Variants in LRRC4C observed in about 807,000 individuals in gnomAD.
LRRC4C encodes leucine-rich repeat-containing protein 4C.
In LRRC4C, 5 loss-of-function variants were observed where a neutral mutation model predicts 33.6. The observed-to-expected ratio is 0.15, with a 90% CI of 0.08 to 0.31. The LOEUF (loss-of-function observed/expected upper bound fraction) is 0.31, where lower values mean the gene tolerates loss of function less well. Among genes scored for constraint, LRRC4C ranks in the 10% least tolerant of loss-of-function variants. LRRC4C has a pLI of 1.00. For missense variants in LRRC4C, 560 were observed against 796.7 expected (o/e 0.70, Z 3.58); for synonymous variants, 329 against 302.0 (o/e 1.09, Z -0.93).
chr11:41,277,554 T>C (rs1591135439), intron 1 of LRRC4C, among the ~76,000 whole-genome samples: 1 of 152,170 alleles, frequency 6.6e-6, no homozygotes, highest in Non-Finnish European at 1.5e-5. Context: ...TGCTTTGCTT[T>C]GATGTACTTA....
At chr11:40,630,344 C>CTTCTTCTTCTTCTTCTTT (rs1426808167) in intron 3 of LRRC4C, among the ~76,000 whole-genome samples, 2 of 36,268 alleles carry the variant, frequency 5.5e-5, no homozygotes, top group Admixed American at 6.1e-4. Context: ...TCTTCTTCTT[C>CTTCTTCTTCTTCTTCTTT]TTCTTCTTCT....
chr11:40,697,791 C>T (rs910565346), intron 2 of LRRC4C, among the ~76,000 whole-genome samples: 15 of 151,980 alleles, frequency 9.9e-5, no homozygotes, highest in South Asian at 2.1e-4. Context: ...AAAAATTGGC[C>T]GGGTGCCATG....
Position 40,244,619 on chromosome 11 carries a change from C to T in LRRC4C, c.-175-3021G>A, listed in dbSNP as rs548799948. On this transcript the variant is annotated intron_variant, in intron 4 of 6. Transcript: ENST00000528697. ...ATCCACACTTCCTTATGTCCCTTTA[C>T]GTGGTAGGGTAATTGCTGTGGTTCT... is the stretch of plus-strand genomic sequence containing the variant. Among the ~76,000 whole-genome samples the T allele has an allele frequency of 3.9e-5, 6 of 152,240 alleles. No individual in the cohort carries two copies. The East Asian group carries it at 5.8e-4, about 15-fold the overall frequency.
intron 3 of LRRC4C, among the ~76,000 whole-genome samples, chr11:40,457,284 T>TA (rs1335803653): frequency 6.6e-6 from 1 of 151,976 alleles, no homozygotes; most frequent in Non-Finnish European, 1.5e-5. Flanking sequence ...AAGAAGAAAG[T>TA]ATACCCATCA....
chr11:40,796,905 C>T (rs1461106225), intron 2 of LRRC4C, among the ~76,000 whole-genome samples: 1 of 152,030 alleles, frequency 6.6e-6, no homozygotes, highest in Non-Finnish European at 1.5e-5. Context: ...CCTCGGCCTC[C>T]CCAAGTGCTG....
intron 1 of LRRC4C, among the ~76,000 whole-genome samples, chr11:41,103,363 TC>T (rs1423749930): frequency 4.0e-5 from 6 of 151,890 alleles, no homozygotes; most frequent in Non-Finnish European, 1.5e-5. Context: ...AATTAGCATT[TC>T]CCCTCAATCA....
intron 1 of LRRC4C, among the ~76,000 whole-genome samples, chr11:41,238,687 C>G (rs948084507): frequency 3.9e-5 from 6 of 152,166 alleles, no homozygotes; most frequent in African/African-American, 1.4e-4. Flanking sequence ...TGTCATGACA[C>G]AAAGCCTCAG....
At chr11:40,920,065 G>A (rs1386811122) in intron 2 of LRRC4C, among the ~76,000 whole-genome samples, 1 of 152,098 alleles carries the variant, frequency 6.6e-6, no homozygotes, top group Non-Finnish European at 1.5e-5. Context: ...AACTCATGAT[G>A]CAATGCCATT....
chr11:40,132,236 A>T (rs1856692706), intron 6 of LRRC4C, among the ~76,000 whole-genome samples: 1 of 152,190 alleles, frequency 6.6e-6, no homozygotes, highest in Non-Finnish European at 1.5e-5. Flanking sequence ...GTACATTTAC[A>T]ACCTTCTCAT....
At chr11:40,123,596 A>G (rs76581419) in intron 6 of LRRC4C, among the ~76,000 whole-genome samples, 9,500 of 152,224 alleles carry the variant, frequency 0.062, 417 homozygotes, top group Non-Finnish European at 0.088. Context: ...TCAGACACGC[A>G]AAAAATGGAA....
At chr11:41,061,778 G>A (rs1937785221) in intron 1 of LRRC4C, among the ~76,000 whole-genome samples, 1 of 151,892 alleles carries the variant, frequency 6.6e-6, no homozygotes. Flanking sequence ...TTGTCCATTT[G>A]GATGCTTCCT....
intron 2 of LRRC4C, among the ~76,000 whole-genome samples, chr11:40,654,513 T>G (rs1300540213): frequency 6.6e-6 from 1 of 152,184 alleles, no homozygotes; most frequent in Non-Finnish European, 1.5e-5. Context: ...GCCCCTTTGT[T>G]TTGGCCAATT....
At chr11:41,372,616 G>A (rs919842152) in intron 1 of LRRC4C, among the ~76,000 whole-genome samples, 1 of 152,034 alleles carries the variant, frequency 6.6e-6, no homozygotes, top group Non-Finnish European at 1.5e-5. Context: ...TGAAGTTGGA[G>A]ACACAGATAC....
intron 2 of LRRC4C, among the ~76,000 whole-genome samples, chr11:40,690,032 G>T (rs1004082203): frequency 6.6e-6 from 1 of 152,072 alleles, no homozygotes; most frequent in Non-Finnish European, 1.5e-5. Context: ...TTTGAAGGAC[G>T]AGAGGGCACT....
chr11:41,120,910 TC>T (rs1456621550), intron 1 of LRRC4C, among the ~76,000 whole-genome samples: 1 of 152,140 alleles, frequency 6.6e-6, no homozygotes, highest in Non-Finnish European at 1.5e-5. Context: ...TCTCTCTTTA[TC>T]CTACTCTGCC....
At chr11:41,312,014 C>T (rs528352712) in intron 1 of LRRC4C, among the ~76,000 whole-genome samples, 13 of 152,232 alleles carry the variant, frequency 8.5e-5, no homozygotes, top group Non-Finnish European at 1.9e-4. Flanking sequence ...GCTCAAAGAC[C>T]GACACGTTTT....
At chr11:40,259,701 T>A (rs1867531105) in intron 4 of LRRC4C, among the ~76,000 whole-genome samples, 1 of 152,074 alleles carries the variant, frequency 6.6e-6, no homozygotes, top group Non-Finnish European at 1.5e-5. Flanking sequence ...TTCTCAGGTT[T>A]GTCAAAGATC....
intron 1 of LRRC4C, among the ~76,000 whole-genome samples, chr11:41,443,048 A>G (rs564266051): frequency 7.0e-6 from 1 of 142,426 alleles, no homozygotes; most frequent in South Asian, 2.2e-4. Flanking sequence ...GACCCCTTCT[A>G]GTTATTTATT....
intron 2 of LRRC4C, among the ~76,000 whole-genome samples, chr11:40,698,808 G>A (rs1945710917): frequency 6.6e-6 from 1 of 152,114 alleles, no homozygotes; most frequent in South Asian, 2.1e-4. Flanking sequence ...CGAGAGAAAT[G>A]AGAATCAAGT....
Sources: gnomAD v4.1 joint callset for allele counts (sites outside exome capture counted in the v4.1 genomes callset) on GRCh38, gnomAD v4.1.1 for gene constraint, MANE v1.5 for transcripts, NCBI Gene and HGNC (gene_info 2026-07-23, HGNC 2026-07-21) for gene names.